Variants in KAZN observed in about 807,000 individuals in gnomAD.
The protein encoded by KAZN is kazrin, periplakin interacting protein, also known as kazrin.
In KAZN, 40 loss-of-function variants were observed where a neutral mutation model predicts 87.4. The ratio of observed to expected loss-of-function variants is 0.46; its 90% CI spans 0.36 to 0.60. KAZN has a LOEUF of 0.60. KAZN is among the 20% of genes least tolerant of loss of function. The pLI is 0.00. For synonymous variants in KAZN, 466 were observed against 458.3 expected, an observed-to-expected ratio of 1.02 and a Z score of -0.22; for missense variants, 898 against 1,073.9, an observed-to-expected ratio of 0.84 and a Z score of 2.29.
In KAZN at chr1:14,700,721, G is replaced by A. The variant is rs192530582; in HGVS notation, c.226+101498G>A. Among the ~76,000 whole-genome samples, 679 of 152,170 alleles carry A rather than the reference G, an allele frequency of 4.5e-3. 2 individuals carry two copies. The highest frequency in any genetic ancestry group is 5.4e-3 in the Non-Finnish European group (367 of 68,008). On this transcript the variant is annotated intron_variant, in intron 1 of 14. Transcript: ENST00000376030. ...GGCAATGGTGTGGCTTGCCAGAGGC[G>A]TCCAGGACACAGAAAAGACTCTGGC...
chr1:14,013,046 C>T (rs1215633495), intron 1 of KAZN, among the ~76,000 whole-genome samples: 1 of 152,132 alleles, frequency 6.6e-6, no homozygotes, highest in Non-Finnish European at 1.5e-5. Context: ...ATTTTTCTTC[C>T]CTGTGACAGC....
At chr1:14,686,565 T>C (rs946686218) in intron 1 of KAZN, among the ~76,000 whole-genome samples, 2 of 152,266 alleles carry the variant, frequency 1.3e-5, no homozygotes, top group Non-Finnish European at 2.9e-5. Flanking sequence ...CTTAATGGAC[T>C]GTGGGAACAC....
chr1:14,231,002 A>C (rs1234111513), intron 2 of KAZN, among the ~76,000 whole-genome samples: 1 of 152,118 alleles, frequency 6.6e-6, no homozygotes, highest in Non-Finnish European at 1.5e-5. Flanking sequence ...CCCCTTCATG[A>C]GTTCCTTGCT....
chr1:14,413,175 G>A (rs1444180428), intron 2 of KAZN, among the ~76,000 whole-genome samples: 2 of 151,340 alleles, frequency 1.3e-5, no homozygotes, highest in Non-Finnish European at 2.9e-5. Context: ...TTAGATAGAG[G>A]TGACATCATA....
At chr1:14,501,512 G>T (rs1484098413) in intron 2 of KAZN, among the ~76,000 whole-genome samples, 1 of 152,052 alleles carries the variant, frequency 6.6e-6, no homozygotes. Context: ...GTACTATCCA[G>T]AAATAAAATT....
intron 3 of KAZN, among the ~76,000 whole-genome samples, chr1:15,041,123 G>A (rs1672848974): frequency 2.8e-5 from 3 of 107,864 alleles, no homozygotes; most frequent in South Asian, 5.4e-4. Flanking sequence ...GCGAATTTTT[G>A]TATTTTTTTT....
chr1:14,173,068 C>A (rs1023740201), intron 1 of KAZN, among the ~76,000 whole-genome samples: 2 of 152,166 alleles, frequency 1.3e-5, no homozygotes, highest in African/African-American at 2.4e-5. Context: ...ACTGTGGGGA[C>A]AACCTTGTCA....
intron 1 of KAZN, among the ~76,000 whole-genome samples, chr1:14,088,910 T>C (rs1557465833): frequency 6.6e-6 from 1 of 151,776 alleles, no homozygotes; most frequent in Non-Finnish European, 1.5e-5. Flanking sequence ...GATAATATTC[T>C]CTGTTCTAAA....
intron 2 of KAZN, among the ~76,000 whole-genome samples, chr1:15,030,779 AG>A (rs1226402352): frequency 6.6e-6 from 1 of 152,234 alleles, no homozygotes; most frequent in African/African-American, 2.4e-5. Context: ...CCAGCCCAGC[AG>A]GCCTGGAATT....
rs1419256514 is a variant in KAZN, at chr1:14,125,023, G to A, written c.92-55412G>A. Among the ~76,000 whole-genome samples, 3 of 152,276 alleles carry A rather than the reference G, an allele frequency of 2.0e-5. No individual in the cohort carries two copies. The East Asian group carries it at 5.8e-4, about 29-fold the overall frequency. ...GCGAGTGGATAGGGTAATGGGTGGT[G>A]AGGCCTCAGTAGCAAGATCGGATCA... On this transcript the variant is annotated intron_variant, in intron 1 of 16. Transcript: ENST00000636203.
In KAZN at chr1:14,251,643, C is replaced by CTTTTTTTTTTTTT. The variant is rs549092023; in HGVS notation, c.249+71064_249+71076dup. 1.8e-3 allele frequency among the ~76,000 whole-genome samples: 161 copies of CTTTTTTTTTTTTT among 90,338 alleles called. 5 individuals are homozygous for CTTTTTTTTTTTTT. The highest frequency in any genetic ancestry group is 5.6e-3 in the East Asian group (12 of 2,146). 59.3% of individuals were successfully genotyped at this position (90,338 alleles called of 152,430 possible). On this transcript the variant is annotated intron_variant, in intron 2 of 16. Coordinates refer to the KAZN transcript ENST00000636203. ...AGGCACAGTGAAAAGTTCTCCCGGACTTTTTTTTTTTTTTTTTTTTTTTTT... is the reference window on the plus strand; with the variant it reads ...AGGCACAGTGAAAAGTTCTCCCGGACTTTTTTTTTTTTTTTTTTTTTTTTTTTTTTTTTTTTTT...
At chr1:14,646,248 A>G (rs748131657) in intron 1 of KAZN, among the ~76,000 whole-genome samples, 18 of 152,148 alleles carry the variant, frequency 1.2e-4, no homozygotes, top group Non-Finnish European at 2.5e-4. Flanking sequence ...CTTTACCATA[A>G]AAAGCTCTGT....
chr1:14,774,105 G>C (rs1645102691), intron 1 of KAZN, among the ~76,000 whole-genome samples: 1 of 152,184 alleles, frequency 6.6e-6, no homozygotes, highest in Admixed American at 6.5e-5. Context: ...AGCACCGATA[G>C]CTCTTACCTC....
chr1:14,137,696 TA>T, intron 1 of KAZN, among the ~76,000 whole-genome samples: 1 of 140,552 alleles, frequency 7.1e-6, no homozygotes, highest in African/African-American at 2.7e-5. Context: ...ACAACAAATA[TA>T]AGGCTTTTTT....
chr1:14,062,720 G>C (rs79853880), intron 1 of KAZN, among the ~76,000 whole-genome samples: 8,049 of 151,970 alleles, frequency 0.053, 584 homozygotes, highest in African/African-American at 0.16. Context: ...TCAAATGACC[G>C]TCCAAATCAA....
chr1:15,018,878 T>C (rs1670385246), intron 2 of KAZN, among the ~76,000 whole-genome samples: 1 of 152,210 alleles, frequency 6.6e-6, no homozygotes, highest in Admixed American at 6.5e-5. Flanking sequence ...TCTCTGTGGA[T>C]TCTAAAGCTC....
intron 1 of KAZN, among the ~76,000 whole-genome samples, chr1:14,121,784 G>C (rs1407192401): frequency 6.6e-5 from 10 of 152,342 alleles, no homozygotes; most frequent in South Asian, 2.1e-4. Flanking sequence ...AGGGTAGAGG[G>C]TTCCAGTTTT....
At chr1:14,335,118 C>T (rs1169204533) in intron 2 of KAZN, among the ~76,000 whole-genome samples, 14 of 147,420 alleles carry the variant, frequency 9.5e-5, no homozygotes, top group Admixed American at 6.8e-5. Context: ...CCCCCCCCCA[C>T]CACCCCAGTG....
chr1:14,981,989 A>C (rs561156528), intron 2 of KAZN, among the ~76,000 whole-genome samples: 1 of 152,294 alleles, frequency 6.6e-6, no homozygotes, highest in East Asian at 1.9e-4. Context: ...CTGGCCTGTC[A>C]GCTGTGATCT....
Sources: gnomAD v4.1 joint callset for allele counts (sites outside exome capture counted in the v4.1 genomes callset) on GRCh38, gnomAD v4.1.1 for gene constraint, MANE v1.5 for transcripts, NCBI Gene and HGNC (gene_info 2026-07-23, HGNC 2026-07-21) for gene names.